Variants in CDC45 observed in about 807,000 individuals in gnomAD.
The protein encoded by CDC45 is cell division cycle 45, also known as cell division control protein 45 homolog.
A neutral mutation model predicts 77.8 loss-of-function variants in CDC45; 54 were observed. That is an observed-to-expected ratio of 0.69 (90% confidence interval 0.56 to 0.87). The LOEUF (loss-of-function observed/expected upper bound fraction) is 0.87. CDC45 is among the 40% of genes least tolerant of loss of function. CDC45 has a pLI of 0.00. For synonymous variants in CDC45, 260 were observed against 272.1 expected (o/e 0.96, Z 0.44); for missense variants, 649 against 721.6 (o/e 0.90, Z 1.15).
intron 5 of CDC45, among the ~76,000 whole-genome samples, chr22:19,492,707 G>A (rs1035728941): frequency 5.3e-5 from 8 of 152,126 alleles, no homozygotes; most frequent in African/African-American, 1.9e-4. Flanking sequence ...TATGTGATGA[G>A]ATTTCGTGTC....
Position 19,480,022 on chromosome 22 carries a change from GA to G in CDC45, c.51+4del. On this transcript the variant is annotated splice_donor_region_variant and intron_variant, in intron 1 of 18. Coordinates refer to ENST00000263201, the MANE Select transcript of CDC45 (RefSeq NM_003504.5). The stretch of plus-strand genomic sequence containing the variant: ...TCTACGAGGTGGTCCAGAGCCAGGT[GA>G]CGCCCAGTCCGGGACCCCCGCCGAG... 2 of 1,614,000 alleles carry G rather than the reference GA, an allele frequency of 1.2e-6. No homozygotes were observed. The highest frequency in any genetic ancestry group is 1.7e-6 in the Non-Finnish European group (2 of 1,179,996).
intron 9 of CDC45, among the ~76,000 whole-genome samples, chr22:19,500,611 C>T (rs1601955289): frequency 2.0e-5 from 3 of 152,266 alleles, no homozygotes; most frequent in African/African-American, 2.4e-5. Flanking sequence ...AAGGACCCCA[C>T]GAGGAGCTGA....
At chr22:19,481,478 A>T (rs1201484977) in intron 3 of CDC45, among the ~76,000 whole-genome samples, 1 of 152,024 alleles carries the variant, frequency 6.6e-6, no homozygotes, top group Non-Finnish European at 1.5e-5. Context: ...TCCTGGGTTC[A>T]TGCCATTCTT....
At chr22:19,516,946 A>G (rs1933833371) in intron 17 of CDC45, 53 bp downstream of exon 17, 3 of 1,494,364 alleles carry the variant, frequency 2.0e-6, no homozygotes, top group South Asian at 2.3e-5. Context: ...CTTTGAGGCT[A>G]TTGCAGGCCC....
At chr22:19,481,167 G>A in intron 3 of CDC45, 122 bp downstream of exon 3, 2 of 613,084 alleles carry the variant, frequency 3.3e-6, no homozygotes, top group African/African-American at 1.9e-5. Context: ...AGGCAATATG[G>A]AAGAGAAAAA....
At chr22:19,513,081 T>C (rs1933602280) in intron 13 of CDC45, among the ~76,000 whole-genome samples, 1 of 152,144 alleles carries the variant, frequency 6.6e-6, no homozygotes, top group Non-Finnish European at 1.5e-5. Flanking sequence ...AGAGCATTCA[T>C]CTATTCATGA....
intron 7 of CDC45, 107 bp from the exon 8 acceptor site, chr22:19,497,279 C>T (rs914393371): frequency 5.7e-5 from 54 of 951,638 alleles, no homozygotes; most frequent in African/African-American, 1.8e-4. Context: ...ACCCTCCATC[C>T]GCAGGGGTTT....
intron 13 of CDC45, among the ~76,000 whole-genome samples, chr22:19,510,674 G>A (rs1211079811): frequency 6.6e-6 from 1 of 152,034 alleles, no homozygotes; most frequent in East Asian, 1.9e-4. Context: ...GATTACAAAC[G>A]CATGCCACCA....
chr22:19,480,940 ACT>A lies in CDC45; in HGVS notation c.112-5_112-4del, dbSNP rs752245038. The stretch of plus-strand genomic sequence containing the variant: ...CCTAAATAAGATAGGCTTTGAAAAC[ACT>A]CTCTCTCCAGGCCTTGTTCCAGTGT... On this transcript the variant is annotated splice_polypyrimidine_tract_variant and intron_variant, in intron 2 of 18. Coordinates refer to ENST00000263201, the MANE Select transcript of CDC45 (RefSeq NM_003504.5). The A allele has an allele frequency of 2.5e-5, 40 of 1,568,658 alleles. No individual in the cohort carries two copies. The East Asian group carries it at 5.6e-4, about 22-fold the overall frequency.
intron 13 of CDC45, among the ~76,000 whole-genome samples, chr22:19,511,785 T>C (rs1186227628): frequency 2.0e-5 from 3 of 152,204 alleles, no homozygotes; most frequent in Non-Finnish European, 2.9e-5. Flanking sequence ...TACTTTTTCT[T>C]TTGTTTCTTG....
intron 5 of CDC45, among the ~76,000 whole-genome samples, chr22:19,486,030 G>GT (rs2090061828): frequency 1.3e-5 from 2 of 152,116 alleles, no homozygotes; most frequent in East Asian, 1.9e-4. Context: ...TTTTTATTTT[G>GT]TTTTTTCTTG....
chr22:19,506,316 T>C (rs1933172861), intron 10 of CDC45, among the ~76,000 whole-genome samples: 1 of 152,016 alleles, frequency 6.6e-6, no homozygotes, highest in Non-Finnish European at 1.5e-5. Context: ...CGCTGTGCAC[T>C]GGAGCTGGTC....
intron 13 of CDC45, among the ~76,000 whole-genome samples, chr22:19,511,380 G>A (rs1041737675): frequency 1.4e-5 from 2 of 144,172 alleles, no homozygotes; most frequent in Non-Finnish European, 3.0e-5. Flanking sequence ...GCTCAAGCTG[G>A]AGTGCAGTGG....
At chr22:19,509,541 T>C (rs1933399212) in intron 13 of CDC45, among the ~76,000 whole-genome samples, 2 of 152,222 alleles carry the variant, frequency 1.3e-5, no homozygotes, top group African/African-American at 2.4e-5. Context: ...CTTTCCCAGC[T>C]TTAATTTGTT....
intron 5 of CDC45, among the ~76,000 whole-genome samples, chr22:19,489,084 G>A (rs2090116699): frequency 6.6e-6 from 1 of 152,128 alleles, no homozygotes; most frequent in Admixed American, 6.5e-5. Flanking sequence ...GCTGAGGTGG[G>A]AGAATCACCT....
intron 10 of CDC45, among the ~76,000 whole-genome samples, chr22:19,506,738 T>C (rs1280266373): frequency 6.6e-6 from 1 of 152,020 alleles, no homozygotes; most frequent in East Asian, 1.9e-4. Flanking sequence ...ATCGAGACCA[T>C]CCTGGCTAAC....
In CDC45 at chr22:19,514,720, A is replaced by G. The variant is rs775929880; in HGVS notation, c.1218-29A>G. The G allele has an allele frequency of 6.4e-6, 10 of 1,560,854 alleles. No individual in the cohort carries two copies. In the Admixed American group the frequency reaches 1.3e-4, roughly 21 times the overall value. Reference sequence around the variant, plus strand: ...TTACCAAGAGTTCCTGACAAGCACCACCAAAGCCATGTGTCTGCCCTGTTA... The same window carrying G: ...TTACCAAGAGTTCCTGACAAGCACCGCCAAAGCCATGTGTCTGCCCTGTTA... On this transcript the variant is annotated intron_variant, in intron 13 of 18. Transcript: ENST00000263201.
intron 10 of CDC45, among the ~76,000 whole-genome samples, chr22:19,506,952 A>T (rs1428155051): frequency 6.6e-6 from 1 of 151,654 alleles, no homozygotes; most frequent in Non-Finnish European, 1.5e-5. Context: ...AAAACGAAAA[A>T]AGGGCTGAGG....
At chr22:19,516,399 C>T (rs1214230295) in intron 15 of CDC45, 128 bp from the exon 16 acceptor site, 11 of 755,848 alleles carry the variant, frequency 1.5e-5, no homozygotes, top group Non-Finnish European at 2.3e-5. Flanking sequence ...GGGACCAAGG[C>T]GTCTCCTGGT....
Sources: allele counts gnomAD v4.1 joint callset (sites outside exome capture counted in the v4.1 genomes callset), GRCh38; gene constraint gnomAD v4.1.1; transcripts MANE v1.5; gene names NCBI Gene and HGNC (gene_info 2026-07-23, HGNC 2026-07-21).